Variants in NRXN1 observed in about 807,000 individuals in gnomAD.
The protein encoded by NRXN1 is neurexin 1, also known as neurexin-1.
In NRXN1, 39 loss-of-function variants were observed where a neutral mutation model predicts 150.9. The observed-to-expected ratio is 0.26, with a 90% CI of 0.20 to 0.34. The LOEUF (loss-of-function observed/expected upper bound fraction) is 0.34, where lower values mean the gene tolerates loss of function less well. Among genes scored for constraint, NRXN1 ranks in the 10% least tolerant of loss-of-function variants. The pLI is 1.00. For synonymous variants in NRXN1, 924 were observed against 757.0 expected (o/e 1.22, Z -3.62); for missense variants, 1,815 against 1,949.9 (o/e 0.93, Z 1.30).
At chr2:50,867,385 T>C (rs557108226) in intron 5 of NRXN1, among the ~76,000 whole-genome samples, 1 of 151,926 alleles carries the variant, frequency 6.6e-6, no homozygotes, top group South Asian at 2.1e-4. Context: ...GTATAAATGT[T>C]AGTTCACTAC....
At chr2:50,194,816 T>C (rs1306741227) in intron 18 of NRXN1, among the ~76,000 whole-genome samples, 3 of 152,306 alleles carry the variant, frequency 2.0e-5, no homozygotes, top group East Asian at 3.9e-4. Context: ...ACTGGTCTAA[T>C]TTAAAGAGAT....
intron 5 of NRXN1, among the ~76,000 whole-genome samples, chr2:50,639,137 A>G (rs1360572956): frequency 1.3e-5 from 2 of 152,062 alleles, no homozygotes; most frequent in Admixed American, 1.3e-4. Flanking sequence ...GCATTGGACT[A>G]GAATTTGGCT....
chr2:50,758,223 CT>C (rs1701385258), intron 5 of NRXN1: 1 of 151,832 alleles, frequency 6.6e-6, no homozygotes, highest in South Asian at 2.1e-4. Flanking sequence ...TTCCTAGACT[CT>C]ACTATGGTCG....
chr2:50,012,657 C>T (rs1215589259), intron 21 of NRXN1, among the ~76,000 whole-genome samples: 1 of 152,004 alleles, frequency 6.6e-6, no homozygotes, highest in Middle Eastern at 3.2e-3. Flanking sequence ...ACAGTATATC[C>T]AAAGATTCAT....
intron 5 of NRXN1, among the ~76,000 whole-genome samples, chr2:50,650,625 T>G (rs75066615): frequency 0.01 from 1,571 of 152,094 alleles, 33 homozygotes; most frequent in African/African-American, 0.035. Context: ...AGCAGAAAAG[T>G]AGGTGCTTTT....
At chr2:50,867,495 A>C (rs961382911) in intron 5 of NRXN1, among the ~76,000 whole-genome samples, 3 of 151,842 alleles carry the variant, frequency 2.0e-5, no homozygotes, top group Non-Finnish European at 4.4e-5. Flanking sequence ...CAGGGTGCAC[A>C]TTTATTTAGT....
intron 1 of NRXN1, among the ~76,000 whole-genome samples, chr2:51,029,756 T>C (rs948020142): frequency 6.6e-6 from 1 of 152,248 alleles, no homozygotes; most frequent in African/African-American, 2.4e-5. Flanking sequence ...AGTTCTCCTT[T>C]ATATTAATGA....
At chr2:50,159,699 TG>T (rs748588056) in intron 18 of NRXN1, among the ~76,000 whole-genome samples, 2 of 152,232 alleles carry the variant, frequency 1.3e-5, no homozygotes, top group South Asian at 4.1e-4. Context: ...GTTCTCTGTC[TG>T]CATAGAAAGG....
intron 22 of NRXN1, among the ~76,000 whole-genome samples, chr2:49,936,344 A>G (rs975922108): frequency 4.6e-5 from 7 of 152,172 alleles, no homozygotes; most frequent in Non-Finnish European, 8.8e-5. Flanking sequence ...CGACCTCACT[A>G]CAAGGCAGAA....
chr2:50,044,248 T>C lies in NRXN1; in HGVS notation c.4128+9023A>G, dbSNP rs75028038. Among the ~76,000 whole-genome samples, 358 of 152,298 alleles carry C rather than the reference T, an allele frequency of 2.4e-3. 2 individuals carry two copies. Among genetic ancestry groups the C allele is most frequent in the African/African-American group, 8.4e-3 (349 of 41,570 alleles). ...TCTCAATAGCATATAATTTATTCCA[T>C]GTAAAGATGAAGATAAAAAAATGTA... On this transcript the variant is annotated intron_variant, in intron 21 of 22. Coordinates refer to ENST00000401669, the MANE Select transcript of NRXN1 (RefSeq NM_001330078.2).
rs181864980 is a variant in NRXN1 at position 50,677,113 on chromosome 2, C to T, written c.833-53498G>A. ...AGGGGCATGACAGCTTGTGCATATC[C>T]TTCAGTCTTTACTCTTTTGAAACAT... On this transcript the variant is annotated intron_variant, in intron 5 of 22. Transcript: ENST00000401669. Among the ~76,000 whole-genome samples, 14 of 152,226 alleles carry T rather than the reference C, an allele frequency of 9.2e-5. No individual in the cohort carries two copies. In the East Asian group the frequency reaches 2.3e-3, roughly 25 times the overall value.
chr2:50,465,610 G>A (rs779158665), intron 16 of NRXN1, 49 bp from the exon 17 acceptor site: 2 of 1,542,246 alleles, frequency 1.3e-6, no homozygotes, highest in East Asian at 2.4e-5. Context: ...GAATCCAAAA[G>A]CATTTTATAC....
At chr2:50,458,005 T>C (rs1007279511) in intron 17 of NRXN1, among the ~76,000 whole-genome samples, 3 of 152,026 alleles carry the variant, frequency 2.0e-5, no homozygotes, top group Non-Finnish European at 2.9e-5. Context: ...AGAAAGGAAA[T>C]CAGTATATCG....
intron 21 of NRXN1, among the ~76,000 whole-genome samples, chr2:50,037,472 T>G (rs1176078620): frequency 1.3e-5 from 2 of 152,172 alleles, no homozygotes; most frequent in African/African-American, 2.4e-5. Flanking sequence ...CAAGATAAAA[T>G]TATACCTGGT....
At chr2:50,907,185 C>A (rs1446547893) in intron 5 of NRXN1, among the ~76,000 whole-genome samples, 3 of 148,652 alleles carry the variant, frequency 2.0e-5, no homozygotes, top group East Asian at 2.0e-4. Flanking sequence ...AACCAAAAAA[C>A]CAAAAAAAAA....
At chr2:50,303,124 C>T (rs1193774396) in intron 17 of NRXN1, among the ~76,000 whole-genome samples, 2 of 152,160 alleles carry the variant, frequency 1.3e-5, no homozygotes, top group Non-Finnish European at 2.9e-5. Flanking sequence ...TCATCTGGAT[C>T]TCATTGGAGT....
rs10651842 is a variant in NRXN1 at position 50,824,301 on chromosome 2, A to AGTGTGT, written c.832+97562_832+97567dup. ...TTATTGCTACAATTCAAACCCTTTG[A>AGTGTGT]GTGTGTGTGTGTGTGTGTGTGTGTG... On this transcript the variant is annotated intron_variant, in intron 5 of 22. Coordinates refer to ENST00000401669, the MANE Select transcript of NRXN1 (RefSeq NM_001330078.2). 9.3e-3 allele frequency among the ~76,000 whole-genome samples: 1,390 copies of AGTGTGT among 149,184 alleles called. 14 individuals are homozygous for AGTGTGT. Among genetic ancestry groups the AGTGTGT allele is most frequent in the Non-Finnish European group, 0.015 (992 of 67,114 alleles).
rs576328054 is a variant in NRXN1, at chr2:50,620,776, G to A, written c.1158+450C>T. ...AGTACAGTTCAGAAAAGGAAAGAAA[G>A]AAAACAGGGAGAACCAAAGGAAAAA... On this transcript the variant is annotated intron_variant, in intron 7 of 22. Transcript: ENST00000401669. 4.0e-3 allele frequency among the ~76,000 whole-genome samples: 615 copies of A among 152,220 alleles called. 7 individuals are homozygous for A. Among genetic ancestry groups the A allele is most frequent in the African/African-American group, 0.013 (522 of 41,542 alleles).
At chr2:50,046,374 T>C (rs779714225) in intron 21 of NRXN1, among the ~76,000 whole-genome samples, 33 of 152,094 alleles carry the variant, frequency 2.2e-4, no homozygotes, top group Admixed American at 2.0e-4. Context: ...TGCCACACAA[T>C]TGATGTGCTG....
Sources: allele counts gnomAD v4.1 joint callset (sites outside exome capture counted in the v4.1 genomes callset), GRCh38; gene constraint gnomAD v4.1.1; transcripts MANE v1.5; gene names NCBI Gene and HGNC (gene_info 2026-07-23, HGNC 2026-07-21).